Variants in SH3D19 observed in about 807,000 individuals in gnomAD.
SH3D19 encodes the protein SH3 domain containing 19, also known as SH3 domain-containing protein 19.
Under a neutral mutation model 112.1 loss-of-function variants are expected in SH3D19, and 58 were observed. The observed-to-expected ratio is 0.52, with a 90% confidence interval of 0.42 to 0.64. SH3D19 has a LOEUF of 0.64. Among genes scored for constraint, SH3D19 ranks in the 30% least tolerant of loss-of-function variants. The pLI, the probability that SH3D19 is intolerant of heterozygous loss-of-function variation, is 0.00. For synonymous variants in SH3D19, 391 were observed against 448.5 expected (o/e 0.87, Z 1.62); for missense variants, 1,090 against 1,263.4 (o/e 0.86, Z 2.08).
intron 8 of SH3D19, among the ~76,000 whole-genome samples, chr4:151,163,059 C>T (rs1005940637): frequency 6.6e-6 from 1 of 152,120 alleles, no homozygotes; most frequent in African/African-American, 2.4e-5. Context: ...AATAAAAACC[C>T]TGGGCACTGA....
At chr4:151,258,399 T>A (rs1018366883) in intron 1 of SH3D19, among the ~76,000 whole-genome samples, 1 of 152,198 alleles carries the variant, frequency 6.6e-6, no homozygotes, top group African/African-American at 2.4e-5. Flanking sequence ...AGATCCCAAA[T>A]CAGGGATCTG....
intron 1 of SH3D19, among the ~76,000 whole-genome samples, chr4:151,304,921 A>C (rs770044055): frequency 6.6e-6 from 1 of 152,236 alleles, no homozygotes; most frequent in East Asian, 1.9e-4. Flanking sequence ...ACAAGAGCCC[A>C]TCTGCATAAG....
At chr4:151,237,297 CTTTTAAGATT>C (rs1385348969) in intron 1 of SH3D19, among the ~76,000 whole-genome samples, 1 of 152,178 alleles carries the variant, frequency 6.6e-6, no homozygotes, top group Non-Finnish European at 1.5e-5. Context: ...CTTTTAAGAT[CTTTTAAGATT>C]ATATTTTTTC....
chr4:151,160,537 G>T (rs1435156717), intron 8 of SH3D19, among the ~76,000 whole-genome samples: 1 of 152,170 alleles, frequency 6.6e-6, no homozygotes, highest in Non-Finnish European at 1.5e-5. Flanking sequence ...GACCAAATTA[G>T]TGACAGCTAA....
At chr4:151,298,181 A>ATTTTTTTTTTTTTTTTTTTTTTTTT (rs386401883) in intron 1 of SH3D19, among the ~76,000 whole-genome samples, 1 of 94,886 alleles carries the variant, frequency 1.1e-5, no homozygotes, top group Non-Finnish European at 2.0e-5. Context: ...AGAATAATAA[A>ATTTTTTTTTTTTTTTTTTTTTTTTT]TTTTTTTTTT....
rs745329310 is a variant in SH3D19, at chr4:151,174,945, G to C, written c.1259C>G (p.Pro420Arg). 3.7e-6 allele frequency: 6 copies of C among 1,613,890 alleles called. No individual in the cohort carries two copies. Among genetic ancestry groups the C allele is most frequent in the Non-Finnish European group, 5.1e-6 (6 of 1,179,896 alleles). The part of the protein sequence containing the change: ...DSGKKVPTPA[P>R]RPLLLKKSVS... Reference sequence around the variant, plus strand: ...AGATTTCTTCAGCAGCAAAGGCCGCGGGGCAGGAGTTGGCACTTTCTTCCC... The same window carrying C: ...AGATTTCTTCAGCAGCAAAGGCCGCCGGGCAGGAGTTGGCACTTTCTTCCC... The change falls in exon 7 of 20, where the codon CCG becomes CGG. Residue 420 changes from proline (P) to arginine (R), a missense_variant. By Grantham distance (103) the Pro-to-Arg change is moderately radical. Coordinates refer to ENST00000604030, the MANE Select transcript of SH3D19 (RefSeq NM_001378122.1).
intron 1 of SH3D19, among the ~76,000 whole-genome samples, chr4:151,265,933 T>G (rs1250662498): frequency 6.6e-6 from 1 of 152,100 alleles, no homozygotes; most frequent in Non-Finnish European, 1.5e-5. Context: ...TTGTTGGGAA[T>G]GAGGGAATGG....
chr4:151,246,844 T>C (rs1353884164), intron 1 of SH3D19, among the ~76,000 whole-genome samples: 1 of 152,224 alleles, frequency 6.6e-6, no homozygotes, highest in Non-Finnish European at 1.5e-5. Context: ...ATTCTGCTTA[T>C]CATAAGTAAA....
chr4:151,156,820 A>G (rs1325658913), intron 9 of SH3D19, among the ~76,000 whole-genome samples: 1 of 152,258 alleles, frequency 6.6e-6, no homozygotes, highest in African/African-American at 2.4e-5. Context: ...ATGGGCTTAT[A>G]TCAACCAAAA....
At chr4:151,249,988 T>C (rs1477125470) in intron 1 of SH3D19, among the ~76,000 whole-genome samples, 1 of 152,192 alleles carries the variant, frequency 6.6e-6, no homozygotes, top group African/African-American at 2.4e-5. Context: ...CTGGCCAAAA[T>C]GTAGGGACTG....
intron 1 of SH3D19, among the ~76,000 whole-genome samples, chr4:151,241,670 C>T (rs536274346): frequency 1.8e-4 from 27 of 150,884 alleles, no homozygotes; most frequent in Admixed American, 3.9e-4. Context: ...GTTAGGATTA[C>T]AGGTGCAAGC....
intron 1 of SH3D19, among the ~76,000 whole-genome samples, chr4:151,280,824 G>T (rs1211214636): frequency 6.6e-6 from 1 of 151,722 alleles, no homozygotes; most frequent in African/African-American, 2.4e-5. Flanking sequence ...AAAACTCAAA[G>T]AAAATAGAGT....
chr4:151,279,954 C>T (rs754101728), intron 1 of SH3D19: 12 of 1,613,038 alleles, frequency 7.4e-6, no homozygotes, highest in Middle Eastern at 3.7e-4. Context: ...ACACTGCATA[C>T]AACCGTGAGT....
At chr4:151,225,856 C>A (rs935319077) in intron 2 of SH3D19, among the ~76,000 whole-genome samples, 191 bp downstream of exon 2, 2 of 152,062 alleles carry the variant, frequency 1.3e-5, no homozygotes, top group African/African-American at 4.8e-5. Flanking sequence ...AACATGTTTT[C>A]CAGGTAGTCA....
At chr4:151,182,537 G>A (rs72723745) in intron 3 of SH3D19, among the ~76,000 whole-genome samples, 405 of 152,274 alleles carry the variant, frequency 2.7e-3, no homozygotes, top group Non-Finnish European at 4.0e-3. Flanking sequence ...TCTTGCAGTC[G>A]TACGTACAGA....
At chr4:151,153,960 C>T (rs1258404092) in intron 9 of SH3D19, among the ~76,000 whole-genome samples, 1 of 122,142 alleles carries the variant, frequency 8.2e-6, no homozygotes, top group South Asian at 2.5e-4. Context: ...AATACTATTT[C>T]TTTTCTTTTC....
At chr4:151,232,041 G>A (rs1264738155) in intron 1 of SH3D19, among the ~76,000 whole-genome samples, 5 of 152,084 alleles carry the variant, frequency 3.3e-5, no homozygotes, top group Non-Finnish European at 7.4e-5. Flanking sequence ...AAAATTAGCT[G>A]GACATGGTGG....
intron 1 of SH3D19, among the ~76,000 whole-genome samples, chr4:151,317,280 T>C (rs1730082293): frequency 6.6e-6 from 1 of 152,204 alleles, no homozygotes; most frequent in South Asian, 2.1e-4. Flanking sequence ...GCTCATCTCC[T>C]AATATCATAA....
chr4:151,230,166 T>C (rs996891055), intron 1 of SH3D19, among the ~76,000 whole-genome samples: 37 of 152,212 alleles, frequency 2.4e-4, no homozygotes, highest in African/African-American at 7.7e-4. Flanking sequence ...ATGATTCCAA[T>C]GTTTATGTAT....
Sources: gnomAD v4.1 joint callset for allele counts (sites outside exome capture counted in the v4.1 genomes callset) on GRCh38, gnomAD v4.1.1 for gene constraint, MANE v1.5 for transcripts, NCBI Gene and HGNC (gene_info 2026-07-23, HGNC 2026-07-21) for gene names.